The following FSTL5 variants were observed in gnomAD, a reference collection of about 807,000 sequenced individuals.
FSTL5 encodes follistatin like 5, also known as follistatin-related protein 5.
In FSTL5, 62 loss-of-function variants were observed where a neutral mutation model predicts 89.1. The observed-to-expected ratio is 0.70, with a 90% confidence interval of 0.57 to 0.86. FSTL5 has a LOEUF of 0.86. Among genes scored for constraint, FSTL5 ranks in the 40% least tolerant of loss-of-function variants. FSTL5 has a pLI of 0.00. For synonymous variants in FSTL5, 383 were observed against 346.2 expected (o/e 1.11, Z -1.18); for missense variants, 1,057 against 1,001.6 (o/e 1.06, Z -0.75).
At chr4:162,105,505 T>A (rs1387343945) in intron 2 of FSTL5, among the ~76,000 whole-genome samples, 2 of 152,180 alleles carry the variant, frequency 1.3e-5, no homozygotes, top group African/African-American at 4.8e-5. Context: ...AGGACTCTGA[T>A]TTTTTAATTA....
chr4:162,006,210 T>G (rs1387700626), intron 3 of FSTL5, among the ~76,000 whole-genome samples: 2 of 152,064 alleles, frequency 1.3e-5, no homozygotes, highest in Admixed American at 6.6e-5. Flanking sequence ...TTGGGTAGAT[T>G]CTTACCCTTT....
chr4:161,971,331 C>A lies in FSTL5; in HGVS notation c.161-50679G>T, dbSNP rs1735476752. 2.0e-5 allele frequency among the ~76,000 whole-genome samples: 3 copies of A among 152,062 alleles called. No individual in the cohort carries two copies. In the South Asian group the frequency reaches 6.2e-4, roughly 32 times the overall value. ...TTTATATGGTTCTACTTTAAAATAT[C>A]AGAAATTTATGTTACAAATCCCATA... On this transcript the variant is annotated intron_variant, in intron 3 of 15. Coordinates refer to ENST00000306100, the MANE Select transcript of FSTL5 (RefSeq NM_020116.5).
intron 3 of FSTL5, among the ~76,000 whole-genome samples, chr4:162,009,970 T>G (rs1470700804): frequency 6.9e-6 from 1 of 144,122 alleles, no homozygotes; most frequent in Admixed American, 7.2e-5. Context: ...TTTTGTTTTG[T>G]TTGTTTTGTA....
chr4:161,522,794 A>C (rs1335822484), intron 10 of FSTL5, among the ~76,000 whole-genome samples: 1 of 151,758 alleles, frequency 6.6e-6, no homozygotes, highest in East Asian at 1.9e-4. Context: ...TGCTAATAAA[A>C]GTATAAGTGA....
At chr4:161,531,926 C>T (rs940942567) in intron 10 of FSTL5, among the ~76,000 whole-genome samples, 5 of 152,046 alleles carry the variant, frequency 3.3e-5, no homozygotes, top group South Asian at 4.2e-4. Context: ...TTTAGAGGGC[C>T]GGGCGTGGTG....
At chr4:161,533,245 T>C (rs896314773) in intron 10 of FSTL5, among the ~76,000 whole-genome samples, 8 of 149,998 alleles carry the variant, frequency 5.3e-5, no homozygotes, top group African/African-American at 2.0e-4. Context: ...CTGAACAAAA[T>C]TGAGAACTAA....
chr4:161,754,607 T>C (rs958874468), intron 6 of FSTL5, among the ~76,000 whole-genome samples: 5 of 152,254 alleles, frequency 3.3e-5, no homozygotes, highest in Middle Eastern at 3.4e-3. Flanking sequence ...ATTCTATCTC[T>C]GGGTAGTCAT....
intron 3 of FSTL5, among the ~76,000 whole-genome samples, chr4:162,028,887 A>G (rs1737402353): frequency 6.6e-6 from 1 of 152,142 alleles, no homozygotes; most frequent in African/African-American, 2.4e-5. Flanking sequence ...TTGACCTTGA[A>G]GTAGTGAGCC....
chr4:162,082,718 T>C (rs2111337139), intron 2 of FSTL5, among the ~76,000 whole-genome samples: 1 of 151,740 alleles, frequency 6.6e-6, no homozygotes, highest in South Asian at 2.1e-4. Context: ...AACTCTCAGG[T>C]CACAGTATAT....
At chr4:162,161,035 AT>A (rs1013164511) in intron 1 of FSTL5, among the ~76,000 whole-genome samples, 12 of 151,928 alleles carry the variant, frequency 7.9e-5, no homozygotes, top group African/African-American at 2.9e-4. Context: ...AAAAAGACAA[AT>A]TGAGCACGTC....
intron 4 of FSTL5, among the ~76,000 whole-genome samples, chr4:161,779,806 T>C (rs1741583636): frequency 1.8e-5 from 1 of 57,022 alleles, no homozygotes; most frequent in East Asian, 4.8e-4. Context: ...TATATATATA[T>C]ATATGTATAT....
chr4:162,108,714 G>C (rs1018095802), intron 2 of FSTL5, among the ~76,000 whole-genome samples: 4 of 151,300 alleles, frequency 2.6e-5, no homozygotes, highest in Non-Finnish European at 4.4e-5. Flanking sequence ...TTGAAGTATT[G>C]TGCTGCTGTT....
At chr4:162,039,095 A>G (rs7683394) in intron 2 of FSTL5, among the ~76,000 whole-genome samples, 58,418 of 151,648 alleles carry the variant, frequency 0.39, 11,517 homozygotes, top group Middle Eastern at 0.54. Context: ...ATGGAGAGAC[A>G]TAAGAGTGAA....
At chr4:162,162,002 A>G (rs1733714472) in intron 1 of FSTL5, among the ~76,000 whole-genome samples, 1 of 152,096 alleles carries the variant, frequency 6.6e-6, no homozygotes, top group Non-Finnish European at 1.5e-5. Flanking sequence ...CAAAATTTGT[A>G]TGAATATTTA....
chr4:162,026,604 T>A (rs1012830170), intron 3 of FSTL5, among the ~76,000 whole-genome samples: 11 of 152,000 alleles, frequency 7.2e-5, no homozygotes, highest in East Asian at 3.9e-4. Context: ...TTATATATAT[T>A]TTTTTACAAA....
intron 10 of FSTL5, among the ~76,000 whole-genome samples, chr4:161,525,366 CTT>C (rs1731181392): frequency 6.6e-6 from 1 of 152,124 alleles, no homozygotes; most frequent in Non-Finnish European, 1.5e-5. Context: ...AATAAAAGCT[CTT>C]GTCACCTTCT....
intron 7 of FSTL5, among the ~76,000 whole-genome samples, chr4:161,593,029 T>G (rs1733883198): frequency 1.3e-5 from 2 of 150,274 alleles, no homozygotes; most frequent in South Asian, 4.1e-4. Context: ...CTTCTAAGAG[T>G]TTTTTGTTCC....
intron 8 of FSTL5, among the ~76,000 whole-genome samples, chr4:161,551,131 T>C (rs1363918393): frequency 6.6e-6 from 1 of 151,722 alleles, no homozygotes; most frequent in African/African-American, 2.4e-5. Context: ...ATGGTATTTC[T>C]AGTTCTAGAT....
rs549508431 is a variant in FSTL5 at position 161,599,126 on chromosome 4, T to C, written c.895-11551A>G. Among the ~76,000 whole-genome samples the C allele has an allele frequency of 2.6e-5, 4 of 151,970 alleles. 1 individual carries two copies. The South Asian group carries it at 6.2e-4, about 24-fold the overall frequency. On this transcript the variant is annotated intron_variant, in intron 7 of 15. Transcript: ENST00000306100. ...GAAAAACAAAAGACTAACAATTCAA[T>C]AGAAAAATGAAGATTTGAAAAGTCA...
Sources: gnomAD v4.1 joint callset for allele counts (sites outside exome capture counted in the v4.1 genomes callset) on GRCh38, gnomAD v4.1.1 for gene constraint, MANE v1.5 for transcripts, NCBI Gene and HGNC (gene_info 2026-07-23, HGNC 2026-07-21) for gene names.